The following TBC1D5 variants were observed in gnomAD, a reference collection of about 807,000 sequenced individuals.
The protein encoded by TBC1D5 is TBC1 domain family, member 5.
A neutral mutation model predicts 100.3 loss-of-function variants in TBC1D5; 75 were observed. The ratio of observed to expected loss-of-function variants is 0.75; its 90% CI spans 0.62 to 0.91. The LOEUF is 0.91. Ranked by LOEUF, TBC1D5 falls within the 40% of genes least tolerant of loss-of-function variation. TBC1D5 has a pLI of 0.00. For synonymous variants in TBC1D5, 323 were observed against 325.6 expected (o/e 0.99, Z 0.09); for missense variants, 910 against 942.4 (o/e 0.97, Z 0.45).
At chr3:17,633,384 C>T (rs567869441) in intron 1 of TBC1D5, among the ~76,000 whole-genome samples, 1 of 151,776 alleles carries the variant, frequency 6.6e-6, no homozygotes, top group African/African-American at 2.4e-5. Flanking sequence ...TGCAGTAAGC[C>T]GAGATCACAC....
intron 3 of TBC1D5, among the ~76,000 whole-genome samples, chr3:17,451,884 T>A (rs888163414): frequency 1.3e-5 from 2 of 151,768 alleles, no homozygotes; most frequent in Admixed American, 1.3e-4. Flanking sequence ...AGGACCACCA[T>A]CGCACTCCAG....
chr3:17,692,997 C>T (rs191331029), intron 1 of TBC1D5, among the ~76,000 whole-genome samples: 1 of 152,196 alleles, frequency 6.6e-6, no homozygotes, highest in African/African-American at 2.4e-5. Flanking sequence ...GGGCGGAGCC[C>T]CCTTGGCATA....
At chr3:17,258,436 G>T in intron 16 of TBC1D5, 70 bp downstream of exon 16, 2 of 1,447,936 alleles carry the variant, frequency 1.4e-6, no homozygotes, top group Non-Finnish European at 9.6e-7. Context: ...TCAGCAATAT[G>T]TAAAATTTCC....
chr3:17,269,463 A>T (rs1450525263), intron 15 of TBC1D5, among the ~76,000 whole-genome samples: 1 of 152,178 alleles, frequency 6.6e-6, no homozygotes, highest in East Asian at 1.9e-4. Flanking sequence ...CTTAGTCTGC[A>T]GCCAGAAATT....
intron 1 of TBC1D5, among the ~76,000 whole-genome samples, chr3:17,716,219 C>T (rs561691721): frequency 1.3e-5 from 2 of 152,290 alleles, no homozygotes; most frequent in South Asian, 2.1e-4. Flanking sequence ...GTAATAACCT[C>T]TTAAGAGGTC....
At chr3:17,503,498 T>C (rs2095808851) in intron 3 of TBC1D5, among the ~76,000 whole-genome samples, 1 of 149,622 alleles carries the variant, frequency 6.7e-6, no homozygotes, top group Non-Finnish European at 1.5e-5. Flanking sequence ...TTTCCAGCAC[T>C]TAGAACAATG....
At chr3:17,286,196 C>A (rs1469463878) in intron 15 of TBC1D5, among the ~76,000 whole-genome samples, 2 of 152,122 alleles carry the variant, frequency 1.3e-5, no homozygotes, top group Non-Finnish European at 2.9e-5. Context: ...AATTACTTTG[C>A]TTATGTTTCT....
intron 2 of TBC1D5, among the ~76,000 whole-genome samples, chr3:17,572,708 A>C (rs1024265552): frequency 2.6e-5 from 4 of 151,998 alleles, no homozygotes; most frequent in Non-Finnish European, 5.9e-5. Flanking sequence ...TTCGACGACC[A>C]CTTTTGGCAC....
chr3:17,252,691 C>T (rs923713048), intron 16 of TBC1D5, among the ~76,000 whole-genome samples: 2 of 152,186 alleles, frequency 1.3e-5, no homozygotes, highest in Non-Finnish European at 2.9e-5. Flanking sequence ...AGGAGTGCTC[C>T]TCTCAAGGGC....
At chr3:17,492,149 T>C (rs572202865) in intron 3 of TBC1D5, among the ~76,000 whole-genome samples, 39 of 152,298 alleles carry the variant, frequency 2.6e-4, no homozygotes, top group Non-Finnish European at 5.0e-4. Flanking sequence ...ATATCCCCTT[T>C]ATCATTTTTT....
intron 15 of TBC1D5, among the ~76,000 whole-genome samples, chr3:17,277,140 G>A (rs2080102623): frequency 6.6e-6 from 1 of 152,150 alleles, no homozygotes; most frequent in Admixed American, 6.5e-5. Flanking sequence ...TAAAGGAAAC[G>A]ATCATTATAG....
chr3:17,237,130 A>G (rs956850088), intron 17 of TBC1D5, among the ~76,000 whole-genome samples: 2 of 152,204 alleles, frequency 1.3e-5, no homozygotes, highest in African/African-American at 4.8e-5. Context: ...TACTGTCAAC[A>G]CTAATTATTG....
At chr3:17,617,965 G>A (rs1037002133) in intron 2 of TBC1D5, among the ~76,000 whole-genome samples, 2 of 152,178 alleles carry the variant, frequency 1.3e-5, no homozygotes, top group South Asian at 4.1e-4. Flanking sequence ...GCGATGTTTT[G>A]GAGGAGAACA....
intron 13 of TBC1D5, among the ~76,000 whole-genome samples, chr3:17,365,615 T>G (rs1482938813): frequency 6.6e-6 from 1 of 152,238 alleles, no homozygotes; most frequent in Non-Finnish European, 1.5e-5. Flanking sequence ...CATTTATTCC[T>G]GATTTGGGGC....
At chr3:17,674,028 G>T (rs896975467) in intron 1 of TBC1D5, among the ~76,000 whole-genome samples, 2 of 151,954 alleles carry the variant, frequency 1.3e-5, no homozygotes, top group Non-Finnish European at 2.9e-5. Flanking sequence ...CTTCCCTGGG[G>T]GAACCTGTCA....
intron 1 of TBC1D5, among the ~76,000 whole-genome samples, chr3:17,645,608 G>A (rs1247343525): frequency 6.6e-6 from 1 of 152,080 alleles, no homozygotes; most frequent in African/African-American, 2.4e-5. Context: ...TCTCTCTTTA[G>A]TTTCCTTTCT....
chr3:17,702,923 G>C (rs2073413357), intron 1 of TBC1D5, among the ~76,000 whole-genome samples: 1 of 152,064 alleles, frequency 6.6e-6, no homozygotes, highest in Admixed American at 6.6e-5. Context: ...TGAGGGGTAA[G>C]GTCTTTAAAT....
At chr3:17,639,542 A>G (rs146083444) in intron 1 of TBC1D5, among the ~76,000 whole-genome samples, 1 of 152,132 alleles carries the variant, frequency 6.6e-6, no homozygotes, top group Non-Finnish European at 1.5e-5. Flanking sequence ...ACTATTCCCC[A>G]TCCCTCACCA....
At chr3:17,576,288 A>T (rs1263960386) in intron 2 of TBC1D5, 1 of 152,108 alleles carries the variant, frequency 6.6e-6, no homozygotes, top group Non-Finnish European at 1.5e-5. Context: ...TGAAGGAAGT[A>T]AGAACAGCCA....
Sources: gnomAD v4.1 joint callset for allele counts (sites outside exome capture counted in the v4.1 genomes callset) on GRCh38, gnomAD v4.1.1 for gene constraint, MANE v1.5 for transcripts, NCBI Gene and HGNC (gene_info 2026-07-23, HGNC 2026-07-21) for gene names.